The following NPM1 variants were observed in gnomAD, a reference collection of about 807,000 sequenced individuals.
NPM1 encodes nucleophosmin.
In NPM1, 1 loss-of-function variant was observed where a neutral mutation model predicts 44.1. The ratio of observed to expected loss-of-function variants is 0.02; its 90% CI spans 0.01 to 0.11. The LOEUF is 0.11. Among genes scored for constraint, NPM1 ranks in the 10% least tolerant of loss-of-function variants. NPM1 has a pLI of 1.00. For synonymous variants in NPM1, 126 were observed against 111.8 expected (o/e 1.13, Z -0.80); for missense variants, 197 against 347.8 (o/e 0.57, Z 3.45).
intron 2 of NPM1, among the ~76,000 whole-genome samples, chr5:171,390,399 C>G (rs193175721): frequency 6.6e-6 from 1 of 152,134 alleles, no homozygotes; most frequent in African/African-American, 2.4e-5. Flanking sequence ...TAAAAGGCAT[C>G]GATAATCTTT....
chr5:171,410,267 C>T (rs1771756956), intron 10 of NPM1, among the ~76,000 whole-genome samples: 1 of 152,176 alleles, frequency 6.6e-6, no homozygotes, highest in African/African-American at 2.4e-5. Context: ...TCTGTTCTTT[C>T]TGTTGATTTC....
chr5:171,400,307 T>TGGGAGATCATCTCCTACTGA, intron 7 of NPM1, 97 bp downstream of exon 7: 8 of 1,234,262 alleles, frequency 6.5e-6, no homozygotes, highest in African/African-American at 1.5e-5. Context: ...GAAGCTGGTG[T>TGGGAGATCATCTCCTACTGA]GGGAGATCAT....
At chr5:171,400,545 C>T (rs547239840) in intron 7 of NPM1, among the ~76,000 whole-genome samples, 56 of 151,720 alleles carry the variant, frequency 3.7e-4, no homozygotes, top group Admixed American at 6.6e-4. Flanking sequence ...CAACTTCTGC[C>T]TCCCGGGTTG....
chr5:171,388,367 T>C (rs1359487054), intron 1 of NPM1, among the ~76,000 whole-genome samples: 1 of 152,168 alleles, frequency 6.6e-6, no homozygotes, highest in Non-Finnish European at 1.5e-5. Flanking sequence ...CATAGGCTTC[T>C]GATGCCAGGC....
chr5:171,387,862 G>T lies in NPM1; in HGVS notation c.-87G>T. 8.0e-7 allele frequency: 1 copy of T among 1,257,522 alleles called. No homozygotes were observed. The highest frequency in any genetic ancestry group is 1.2e-5 in the South Asian group (1 of 82,430). 77.9% of individuals were successfully genotyped at this position (1,257,522 alleles called of 1,614,324 possible). A position where few individuals can be genotyped will look rare whatever the true frequency, so the allele number is the denominator to read the frequency against. On this transcript the variant is annotated 5_prime_UTR_variant, in exon 1 of 11. Coordinates refer to ENST00000296930, the MANE Select transcript of NPM1 (RefSeq NM_002520.7). Reference sequence around the variant, plus strand: ...GGAGCCTGCGTCCTTTCCCTGGTGTGATTCCGTCCTGCGCGGTTGTTCTCT... The same window carrying T: ...GGAGCCTGCGTCCTTTCCCTGGTGTTATTCCGTCCTGCGCGGTTGTTCTCT...
At position 171,387,909 on chromosome 5, in the gene NPM1, C is replaced by T. The variant is rs780914482; in HGVS notation, c.-40C>T. 1.4e-5 allele frequency: 22 copies of T among 1,591,836 alleles called. No homozygotes were observed. The highest frequency in any genetic ancestry group is 3.3e-5 in the Admixed American group (2 of 59,958). ...CTCTGGAGCAGCGTTCTTTTATCTC[C>T]GTCCGCCTTCTCTCCTACCTAAGTG... is the stretch of plus-strand genomic sequence containing the variant. On this transcript the variant is annotated 5_prime_UTR_variant, in exon 1 of 11. Coordinates refer to ENST00000296930, the MANE Select transcript of NPM1 (RefSeq NM_002520.7).
chr5:171,389,915 C>G, intron 1 of NPM1, 136 bp from the exon 2 acceptor site: 2 of 620,598 alleles, frequency 3.2e-6, no homozygotes, highest in East Asian at 2.9e-5. Context: ...AGGAATTGAT[C>G]ATTCTGCTTT....
At chr5:171,401,971 G>T (rs954931101) in intron 8 of NPM1, among the ~76,000 whole-genome samples, 1 of 150,654 alleles carries the variant, frequency 6.6e-6, no homozygotes, top group African/African-American at 2.4e-5. Flanking sequence ...TATGGAGATT[G>T]TCATAAAAAT....
intron 10 of NPM1, 107 bp from the exon 11 acceptor site, chr5:171,410,418 GGT>G: frequency 1.6e-6 from 1 of 613,140 alleles, no homozygotes; most frequent in South Asian, 2.7e-5. Flanking sequence ...TTAACTCTCT[GGT>G]GGTAGAATGA....
At chr5:171,388,607 G>A (rs1022689916) in intron 1 of NPM1, among the ~76,000 whole-genome samples, 5 of 152,034 alleles carry the variant, frequency 3.3e-5, no homozygotes, top group African/African-American at 1.2e-4. Context: ...GGAGGGAGGG[G>A]GGTGTGGGCG....
chr5:171,407,912 T>A (rs2113289710), intron 10 of NPM1, 138 bp downstream of exon 10: 2 of 610,550 alleles, frequency 3.3e-6, no homozygotes, highest in East Asian at 5.6e-5. Context: ...ATGAAATACC[T>A]GAAAACTCAT....
At position 171,404,797 on chromosome 5, in the gene NPM1, T is replaced by G. The variant is rs973052886; in HGVS notation, c.670-505T>G. ...GGCCAAGGCAGGCGGCTGGGAGGTG[T>G]AGGTTGTAGTGAGCCGAGATCACGC... On this transcript the variant is annotated intron_variant, in intron 8 of 10. Transcript: ENST00000296930. 5.6e-3 allele frequency among the ~76,000 whole-genome samples: 843 copies of G among 150,692 alleles called. 4 individuals carry two copies. The highest frequency in any genetic ancestry group is 9.1e-3 in the Non-Finnish European group (618 of 67,636).
intron 4 of NPM1, 56 bp from the exon 5 acceptor site, chr5:171,392,654 T>C: frequency 8.4e-7 from 1 of 1,189,488 alleles, no homozygotes; most frequent in Non-Finnish European, 1.2e-6. Flanking sequence ...AGTGTTCTTT[T>C]TTTTTCTGAC....
chr5:171,400,075 C>T (rs1280877433), intron 6 of NPM1, 78 bp from the exon 7 acceptor site: 1 of 856,012 alleles, frequency 1.2e-6, no homozygotes. Flanking sequence ...CAAATAATCA[C>T]TTCAAGGTCC....
At chr5:171,391,607 CA>C in intron 3 of NPM1, 98 bp from the exon 4 acceptor site, 1 of 1,115,010 alleles carries the variant, frequency 9.0e-7, no homozygotes, top group Non-Finnish European at 1.3e-6. Flanking sequence ...GGTGGAAAAA[CA>C]GGTTCACTGG....
intron 9 of NPM1, 109 bp downstream of exon 9, chr5:171,405,512 A>G (rs1771517505): frequency 7.5e-6 from 5 of 664,172 alleles, no homozygotes; most frequent in Non-Finnish European, 1.4e-5. Context: ...GGTTTAATAT[A>G]CTTGCCTGGT....
rs753157836 is a variant in NPM1 at position 171,410,522 on chromosome 5, T to TC, written c.847-3dup. Reference sequence around the variant, plus strand: ...TTAACCACATTTCTTTTTTTTTTTTTCCAGGCTATTCAAGATCTCTGGCAG... The same window carrying TC: ...TTAACCACATTTCTTTTTTTTTTTTTCCCAGGCTATTCAAGATCTCTGGCAG... On this transcript the variant is annotated splice_polypyrimidine_tract_variant and splice_region_variant and intron_variant, in intron 10 of 10. Transcript: ENST00000296930. 2.0e-4 allele frequency: 304 copies of TC among 1,544,464 alleles called. 1 individual carries two copies. In the African/African-American group the frequency reaches 3.7e-3, roughly 19 times the overall value.
At chr5:171,409,092 G>A (rs1366898436) in intron 10 of NPM1, among the ~76,000 whole-genome samples, 1 of 152,102 alleles carries the variant, frequency 6.6e-6, no homozygotes, top group East Asian at 1.9e-4. Context: ...TTACAGGCAC[G>A]AGCCACCTTG....
chr5:171,404,723 C>T (rs1208158512), intron 8 of NPM1, among the ~76,000 whole-genome samples: 2 of 144,440 alleles, frequency 1.4e-5, no homozygotes, highest in African/African-American at 5.2e-5. Context: ...TCCTCACTTC[C>T]CAGACGGGGT....
Sources: gnomAD v4.1 joint callset for allele counts (sites outside exome capture counted in the v4.1 genomes callset) on GRCh38, gnomAD v4.1.1 for gene constraint, MANE v1.5 for transcripts, NCBI Gene and HGNC (gene_info 2026-07-23, HGNC 2026-07-21) for gene names.